SOX6: variants seen among roughly 807,000 people sequenced by gnomAD.
The protein encoded by SOX6 is SRY-box transcription factor 6.
A neutral mutation model predicts 97.8 loss-of-function variants in SOX6; 11 were observed. The observed-to-expected ratio is 0.11, with a 90% CI of 0.07 to 0.19. The LOEUF is 0.19. Among genes scored for constraint, SOX6 ranks in the 10% least tolerant of loss-of-function variants. The probability of loss-of-function intolerance (pLI) is 1.00; values close to 1 mark genes in which losing one functional copy is unlikely to be tolerated. For missense variants in SOX6, 810 were observed against 1,039.5 expected, an observed-to-expected ratio of 0.78 and a Z score of 3.04; for synonymous variants, 360 against 371.4, an observed-to-expected ratio of 0.97 and a Z score of 0.35.
chr11:16,588,627 A>T (rs541697007), intron 4 of SOX6, among the ~76,000 whole-genome samples: 2 of 152,086 alleles, frequency 1.3e-5, no homozygotes, highest in Non-Finnish European at 2.9e-5. Flanking sequence ...TGATAAATAC[A>T]CTTAACTATG....
intron 2 of SOX6, among the ~76,000 whole-genome samples, chr11:16,718,996 AAGAG>A (rs1218850509): frequency 6.6e-6 from 1 of 150,718 alleles, no homozygotes; most frequent in African/African-American, 2.4e-5. Flanking sequence ...AAAAAAAAAA[AAGAG>A]AGAGACAGAG....
At chr11:16,047,242 GA>G (rs1276051835) in intron 11 of SOX6, among the ~76,000 whole-genome samples, 26 of 152,242 alleles carry the variant, frequency 1.7e-4, no homozygotes, top group African/African-American at 6.3e-4. Context: ...CTGCAGGAAA[GA>G]GGGGGCGGAA....
intron 9 of SOX6, among the ~76,000 whole-genome samples, chr11:16,084,182 G>A (rs1186442666): frequency 1.3e-5 from 2 of 151,784 alleles, no homozygotes; most frequent in Non-Finnish European, 2.9e-5. Context: ...CAATCACCTT[G>A]GGCAATCAAT....
chr11:16,032,206 T>C (rs1285049899), intron 12 of SOX6, among the ~76,000 whole-genome samples: 1 of 152,084 alleles, frequency 6.6e-6, no homozygotes, highest in Non-Finnish European at 1.5e-5. Context: ...TTACCAATAA[T>C]GGTAACAGTG....
At chr11:16,439,241 A>G (rs1859450916) in intron 1 of SOX6, among the ~76,000 whole-genome samples, 1 of 152,222 alleles carries the variant, frequency 6.6e-6, no homozygotes. Context: ...AATGTAATGC[A>G]GAGATACAGA....
intron 4 of SOX6, among the ~76,000 whole-genome samples, chr11:16,489,908 T>C (rs1194391677): frequency 2.0e-5 from 3 of 152,124 alleles, no homozygotes; most frequent in Non-Finnish European, 4.4e-5. Flanking sequence ...TATGTAACCA[T>C]GGGCAATTAT....
chr11:16,534,358 A>C (rs1050382556), intron 4 of SOX6, among the ~76,000 whole-genome samples: 1 of 152,148 alleles, frequency 6.6e-6, no homozygotes, highest in Non-Finnish European at 1.5e-5. Flanking sequence ...AATAGTTTTA[A>C]AACATTTTTT....
intron 6 of SOX6, among the ~76,000 whole-genome samples, chr11:16,180,880 G>A (rs1430230356): frequency 6.6e-6 from 1 of 151,726 alleles, no homozygotes; most frequent in Non-Finnish European, 1.5e-5. Flanking sequence ...CTGAATAATT[G>A]CAAATAAAAT....
At chr11:16,298,615 T>C (rs1590104280) in intron 3 of SOX6, among the ~76,000 whole-genome samples, 1 of 152,126 alleles carries the variant, frequency 6.6e-6, no homozygotes, top group African/African-American at 2.4e-5. Flanking sequence ...CCAAAAGATA[T>C]AATTGAATAA....
intron 1 of SOX6, among the ~76,000 whole-genome samples, chr11:16,449,352 G>C (rs1355876076): frequency 7.3e-6 from 1 of 136,888 alleles, no homozygotes; most frequent in African/African-American, 2.8e-5. Context: ...GAGTGCAGTG[G>C]AGCCATCTCG....
intron 3 of SOX6, among the ~76,000 whole-genome samples, chr11:16,697,769 G>C (rs973601021): frequency 6.6e-6 from 1 of 152,198 alleles, no homozygotes; most frequent in African/African-American, 2.4e-5. Context: ...TGTGTTAGCA[G>C]GCATGAAAAC....
At chr11:16,327,646 C>G (rs907770715) in intron 2 of SOX6, among the ~76,000 whole-genome samples, 1 of 152,050 alleles carries the variant, frequency 6.6e-6, no homozygotes, top group African/African-American at 2.4e-5. Flanking sequence ...CGCTCTTATT[C>G]AGCTGGATTG....
At chr11:16,243,502 GTTTT>G (rs545797740) in intron 3 of SOX6, among the ~76,000 whole-genome samples, 1 of 151,610 alleles carries the variant, frequency 6.6e-6, no homozygotes, top group Non-Finnish European at 1.5e-5. Flanking sequence ...TATAAAACTA[GTTTT>G]TTTAATTAAC....
At chr11:16,423,220 T>C (rs997676267) in intron 1 of SOX6, among the ~76,000 whole-genome samples, 12 of 152,170 alleles carry the variant, frequency 7.9e-5, no homozygotes, top group Admixed American at 2.6e-4. Flanking sequence ...GGCCTTTCTA[T>C]ACATTTTTCC....
At chr11:16,700,749 C>G (rs1848086495) in intron 3 of SOX6, among the ~76,000 whole-genome samples, 3 of 152,186 alleles carry the variant, frequency 2.0e-5, no homozygotes, top group Non-Finnish European at 4.4e-5. Flanking sequence ...TCCAATAACA[C>G]TATTTCAGTC....
chr11:16,302,285 T>C (rs1855281580), intron 3 of SOX6, among the ~76,000 whole-genome samples: 1 of 152,180 alleles, frequency 6.6e-6, no homozygotes, highest in South Asian at 2.1e-4. Context: ...ACCCAAAGGA[T>C]AAAATTCAAT....
intron 4 of SOX6, among the ~76,000 whole-genome samples, chr11:16,600,383 G>A (rs532868159): frequency 1.3e-4 from 20 of 152,280 alleles, no homozygotes; most frequent in African/African-American, 3.9e-4. Flanking sequence ...GCTAATATTG[G>A]TGTAAAGTTG....
intron 4 of SOX6, among the ~76,000 whole-genome samples, chr11:16,195,267 C>A (rs758365333): frequency 3.6e-4 from 55 of 152,082 alleles, no homozygotes; most frequent in Non-Finnish European, 7.4e-4. Context: ...GTAATTTGAC[C>A]AAGTCATAGA....
rs1036080089 is a variant in SOX6, at chr11:16,429,908, A to G, written c.-5+46407T>C. On this transcript the variant is annotated intron_variant, in intron 1 of 15. Coordinates refer to the SOX6 transcript ENST00000396356. ...GGGTAGAAGGTAGCTATAATAAACA[A>G]ACAAGCTCTGCTATGTCTTAGTAAT... Among the ~76,000 whole-genome samples, 23 of 152,300 alleles carry G rather than the reference A, an allele frequency of 1.5e-4. No individual in the cohort carries two copies. The East Asian group carries it at 3.9e-3, about 26-fold the overall frequency.
Sources: gnomAD v4.1 joint callset for allele counts (sites outside exome capture counted in the v4.1 genomes callset) on GRCh38, gnomAD v4.1.1 for gene constraint, MANE v1.5 for transcripts, NCBI Gene and HGNC (gene_info 2026-07-23, HGNC 2026-07-21) for gene names.